The following RECQL5 variants were observed in gnomAD, a reference collection of about 807,000 sequenced individuals.
RECQL5 encodes the protein RecQ like helicase 5, also known as ATP-dependent DNA helicase Q5.
RECQL5 carries 88 observed loss-of-function variants against 103.4 expected under a neutral mutation model. The ratio of observed to expected loss-of-function variants is 0.85; its 90% CI spans 0.72 to 1.02. The LOEUF (loss-of-function observed/expected upper bound fraction) is 1.02. Among genes scored for constraint, RECQL5 ranks in the 50% least tolerant of loss-of-function variants. RECQL5 has a pLI of 0.00. For synonymous variants in RECQL5, 552 were observed against 507.9 expected, an observed-to-expected ratio of 1.09 and a Z score of -1.17; for missense variants, 1,232 against 1,284.3, an observed-to-expected ratio of 0.96 and a Z score of 0.62.
At position 75,658,469 on chromosome 17, in the gene RECQL5, T is replaced by G; in HGVS notation, c.987-9A>C. ...TCCAATGGGCGACAAACCTGTAGGA[T>G]CCAAAGGGACAAGCAGCATGAGATG... On this transcript the variant is annotated splice_polypyrimidine_tract_variant and intron_variant, in intron 6 of 19. Transcript: ENST00000317905. 1 of 1,612,698 alleles carries G rather than the reference T, an allele frequency of 6.2e-7. No individual in the cohort carries two copies. The highest frequency in any genetic ancestry group is 1.7e-4 in the Middle Eastern group (1 of 6,026).
At position 75,661,654 on chromosome 17, in the gene RECQL5, C is replaced by G; in HGVS notation, c.826G>C (p.Ala276Pro). 1 of 1,614,038 alleles carries G rather than the reference C, an allele frequency of 6.2e-7. No individual in the cohort carries two copies. Among genetic ancestry groups the G allele is most frequent in the Non-Finnish European group, 8.5e-7 (1 of 1,180,012 alleles). The change falls in exon 5 of 20, where the codon GCC becomes CCC. Residue 276 changes from alanine to proline, a missense_variant. Transcript: ENST00000317905. ...ACACCCCTGCAGCTGAGCTCTATGG[C>G]CAGCTGTTCACAAGCCTCTCTAGTC... ...CRTREACEQL[A>P]IELSCRGVNA...
intron 8 of RECQL5, chr17:75,647,815 C>T: frequency 2.3e-6 from 1 of 441,342 alleles, no homozygotes; most frequent in Non-Finnish European, 4.2e-6. Flanking sequence ...CCGACCAGAA[C>T]CCTAAAAGCA....
chr17:75,664,069 A>AG (rs1665783562), intron 3 of RECQL5, among the ~76,000 whole-genome samples: 2 of 151,198 alleles, frequency 1.3e-5, no homozygotes, highest in East Asian at 1.9e-4. Context: ...AAAAAAAAAA[A>AG]AAAAGAAAGA....
chr17:75,665,254 A>T (rs764859718), intron 2 of RECQL5, 82 bp from the exon 3 acceptor site: 25 of 1,334,026 alleles, frequency 1.9e-5, no homozygotes, highest in East Asian at 2.4e-5. Flanking sequence ...GAATGTAGGA[A>T]AAGCACCTAG....
chr17:75,635,801 C>G (rs538608178), intron 8 of RECQL5: 1 of 985,364 alleles, frequency 1.0e-6, no homozygotes, highest in African/African-American at 1.7e-5. Flanking sequence ...GCTGCCAACA[C>G]ACCTCGCTTA....
chr17:75,634,697 C>T (rs541243897), intron 8 of RECQL5, among the ~76,000 whole-genome samples: 5 of 152,256 alleles, frequency 3.3e-5, no homozygotes, highest in South Asian at 2.1e-4. Flanking sequence ...GCTTGGCCCA[C>T]TCACTGCTGG....
At chr17:75,663,923 G>A (rs1418989904) in intron 3 of RECQL5, among the ~76,000 whole-genome samples, 2 of 151,840 alleles carry the variant, frequency 1.3e-5, no homozygotes, top group Non-Finnish European at 2.9e-5. Context: ...GCATGGTGGC[G>A]CATGCCTGTA....
At chr17:75,651,310 C>G in intron 7 of RECQL5, 45 bp from the exon 8 acceptor site, 2 of 1,611,436 alleles carry the variant, frequency 1.2e-6, no homozygotes, top group Non-Finnish European at 8.5e-7. Context: ...TAGAATTGGA[C>G]TACCTTAGAG....
chr17:75,628,424 G>C lies in RECQL5; in HGVS notation c.2599C>G (p.Pro867Ala). ...RSQQENPESQ[P>A]QKRPRPSAKP... ...GCTGAGGGGCGTGGCCTCTTCTGAG[G>C]CTGGCTCTCTGGGTTCTCCTGAGAA... Residue 867 changes from proline (P) to alanine (A), a missense_variant, in exon 18 of 20, where the codon CCT becomes GCT. By Grantham distance (27) the Pro-to-Ala change is conservative (BLOSUM62 -1). Transcript: ENST00000317905. 6.2e-7 allele frequency: 1 copy of C among 1,613,632 alleles called. No homozygotes were observed. Among genetic ancestry groups the C allele is most frequent in the South Asian group, 1.1e-5 (1 of 91,090 alleles).
chr17:75,629,019 C>T lies in RECQL5; in HGVS notation c.2404G>A (p.Glu802Lys). The stretch of plus-strand genomic sequence containing the variant: ...CCATCTTCCTCCCCTGTGTACTTCT[C>T]TGGGGCCATCGGGGGTCCCTGAACC... Reference protein sequence around the residue: ...EGVQGPPMAPEKYTGEEDGAG... With the variant: ...EGVQGPPMAPKKYTGEEDGAG... The change falls in exon 16 of 20, where the codon GAG becomes AAG. Residue 802 changes from glutamate to lysine, a missense_variant. By Grantham distance (56) the Glu-to-Lys change is moderately conservative. Transcript: ENST00000317905. 5 of 1,583,142 alleles carry T rather than the reference C, an allele frequency of 3.2e-6. No homozygotes were observed. Among genetic ancestry groups the T allele is most frequent in the Non-Finnish European group, 4.3e-6 (5 of 1,165,820 alleles).
chr17:75,661,819 C>T, intron 4 of RECQL5, 111 bp from the exon 5 acceptor site: 1 of 749,716 alleles, frequency 1.3e-6, no homozygotes, highest in East Asian at 2.7e-5. Context: ...TCGTCGGCTT[C>T]AGTCTCTTCT....
At position 75,628,744 on chromosome 17, in the gene RECQL5, G is replaced by A; in HGVS notation, c.2508C>T (p.Asp836=). The change falls in exon 17 of 20, where the codon GAC becomes GAT. Residue 836 remains aspartate, a synonymous_variant. Coordinates refer to ENST00000317905, the MANE Select transcript of RECQL5 (RefSeq NM_004259.7). ...TGGGCTGGACTTCAGGGGTGCCCTG[G>A]TCTCTGGGCGGGCAGGTGCTGGTAG... ...RERPSTCPPR[D]QGTPEVQPTP... 6.3e-7 allele frequency: 1 copy of A among 1,592,496 alleles called. No individual in the cohort carries two copies. Among genetic ancestry groups the A allele is most frequent in the Non-Finnish European group, 8.5e-7 (1 of 1,174,836 alleles).
At chr17:75,650,437 A>T in intron 8 of RECQL5, 1 of 1,332,552 alleles carries the variant, frequency 7.5e-7, no homozygotes, top group Admixed American at 3.1e-5. Context: ...CGCCACTGAA[A>T]ATCAGGAGAC....
rs755731370 is a variant in RECQL5, at chr17:75,627,532, C to T, written c.2876-10G>A. Reference sequence around the variant, plus strand: ...TGGGCCTCTTCTTTCACTACAGATTCAGGGTGGGGGCATGAGGAGGTGAGC... The same window carrying T: ...TGGGCCTCTTCTTTCACTACAGATTTAGGGTGGGGGCATGAGGAGGTGAGC... On this transcript the variant is annotated splice_polypyrimidine_tract_variant and intron_variant, in intron 19 of 19. Coordinates refer to ENST00000317905, the MANE Select transcript of RECQL5 (RefSeq NM_004259.7). 1.2e-6 allele frequency: 2 copies of T among 1,613,694 alleles called. No individual in the cohort carries two copies. Among genetic ancestry groups the T allele is most frequent in the South Asian group, 1.1e-5 (1 of 91,076 alleles).
In RECQL5 at chr17:75,628,778, G is replaced by A. The variant is rs750037783; in HGVS notation, c.2490-16C>T. On this transcript the variant is annotated splice_polypyrimidine_tract_variant and intron_variant, in intron 16 of 19. Transcript: ENST00000317905. ...CGGGCAGGTGCTGGTAGAGGGAAGA[G>A]CAGGCATCACAGCACTGGGTCCTGG... is the stretch of plus-strand genomic sequence containing the variant. The A allele has an allele frequency of 5.0e-6, 8 of 1,603,192 alleles. No individual in the cohort carries two copies. The highest frequency in any genetic ancestry group is 6.8e-6 in the Non-Finnish European group (8 of 1,177,598).
Position 75,630,206 on chromosome 17 carries a change from T to A in RECQL5, c.1790A>T (p.Tyr597Phe), listed in dbSNP as rs1568257353. 6.4e-7 allele frequency: 1 copy of A among 1,556,172 alleles called. No homozygotes were observed. Among genetic ancestry groups the A allele is most frequent in the Non-Finnish European group, 8.7e-7 (1 of 1,149,100 alleles). The change falls in exon 14 of 20, where the codon TAC becomes TTC. Residue 597 changes from tyrosine to phenylalanine, a missense_variant. Physicochemically the swap from Tyr to Phe is conservative, Grantham distance 22 (BLOSUM62 3). Transcript: ENST00000317905. ...TFRNAKVANL[Y>F]KASVLKKVAD... Reference sequence around the variant, plus strand: ...CACCTTCTTCAGCACGCTGGCCTTGTAGAGGTTGGCCACCTTGGCGTTCCG... The same window carrying A: ...CACCTTCTTCAGCACGCTGGCCTTGAAGAGGTTGGCCACCTTGGCGTTCCG...
chr17:75,658,027 G>A (rs901068574), intron 7 of RECQL5, among the ~76,000 whole-genome samples: 5 of 151,956 alleles, frequency 3.3e-5, no homozygotes, highest in Admixed American at 1.3e-4. Context: ...CAGCCTGAGC[G>A]ACGGAGTGAG....
Position 75,629,775 on chromosome 17 carries a change from C to A in RECQL5, c.1880G>T (p.Cys627Phe). Reference protein sequence around the residue: ...PYDMGGSAKSCSAQAEPPEPN... With the variant: ...PYDMGGSAKSFSAQAEPPEPN... ...CTCCGGGGGCTCAGCTTGGGCACTG[C>A]AGCTCTTGGCACTGCCTCCCATGTC... The change falls in exon 15 of 20, where the codon TGC (cysteine) becomes TTC (phenylalanine). Residue 627 changes from cysteine to phenylalanine, a missense_variant. Coordinates refer to ENST00000317905, the MANE Select transcript of RECQL5 (RefSeq NM_004259.7). The A allele has an allele frequency of 6.2e-7, 1 of 1,613,650 alleles. No homozygotes were observed. Among genetic ancestry groups the A allele is most frequent in the Non-Finnish European group, 8.5e-7 (1 of 1,179,820 alleles).
chr17:75,663,265 A>G (rs2059723050), intron 3 of RECQL5, among the ~76,000 whole-genome samples: 1 of 152,220 alleles, frequency 6.6e-6, no homozygotes, highest in East Asian at 1.9e-4. Flanking sequence ...AAGTCTGAAC[A>G]TGAAATTCAT....
Sources: gnomAD v4.1 joint callset for allele counts (sites outside exome capture counted in the v4.1 genomes callset) on GRCh38, gnomAD v4.1.1 for gene constraint, MANE v1.5 for transcripts, NCBI Gene and HGNC (gene_info 2026-07-23, HGNC 2026-07-21) for gene names.